The following BCKDHB variants were observed in gnomAD, a reference collection of about 807,000 sequenced individuals.
BCKDHB encodes the protein 2-oxoisovalerate dehydrogenase subunit beta, mitochondrial.
BCKDHB carries 41 observed loss-of-function variants against 48.5 expected under a neutral mutation model. The observed-to-expected ratio is 0.85, with a 90% CI of 0.66 to 1.10. The LOEUF (loss-of-function observed/expected upper bound fraction) is 1.10. BCKDHB is among the 50% of genes least tolerant of loss of function. The probability of loss-of-function intolerance (pLI) is 0.00; values close to 1 mark genes in which losing one functional copy is unlikely to be tolerated. For synonymous variants in BCKDHB, 201 were observed against 174.8 expected, an observed-to-expected ratio of 1.15 and a Z score of -1.18; for missense variants, 496 against 494.2, an observed-to-expected ratio of 1.00 and a Z score of -0.03.
At chr6:80,227,296 T>G (rs1363573872) in intron 8 of BCKDHB, among the ~76,000 whole-genome samples, 1 of 152,230 alleles carries the variant, frequency 6.6e-6, no homozygotes, top group South Asian at 2.1e-4. Context: ...TTAGAGAACT[T>G]CTGGGGACAC....
At chr6:80,432,625 G>T in the BCKDHB span, among the ~76,000 whole-genome samples, 1 of 152,096 alleles carries the variant, frequency 6.6e-6, no homozygotes, top group South Asian at 2.1e-4. Flanking sequence ...GGTTAGACAT[G>T]CTCCTTTAGC....
At chr6:80,463,701 TA>T in the BCKDHB span, among the ~76,000 whole-genome samples, 1 of 152,150 alleles carries the variant, frequency 6.6e-6, no homozygotes, top group African/African-American at 2.4e-5. Context: ...GTTCAAGGCT[TA>T]AAAGAAAAAC....
chr6:80,230,033 T>G (rs1775849646), intron 8 of BCKDHB, among the ~76,000 whole-genome samples: 2 of 119,264 alleles, frequency 1.7e-5, no homozygotes, highest in Admixed American at 1.7e-4. Flanking sequence ...GTTGTTTTTT[T>G]TTTTTTTTTT....
intron 9 of BCKDHB, among the ~76,000 whole-genome samples, chr6:80,340,193 A>T (rs1212880490): frequency 6.6e-6 from 1 of 152,230 alleles, no homozygotes; most frequent in Non-Finnish European, 1.5e-5. Context: ...TTTTGGAAGA[A>T]ATAGCTACTT....
the BCKDHB span, among the ~76,000 whole-genome samples, chr6:80,438,209 A>G: frequency 2.0e-5 from 3 of 152,210 alleles, no homozygotes; most frequent in Non-Finnish European, 4.4e-5. Context: ...GTTGTACTTA[A>G]ATGATGTCAT....
chr6:80,355,927 C>G, the BCKDHB span: 2 of 152,316 alleles, frequency 1.3e-5, no homozygotes, highest in East Asian at 3.9e-4. Flanking sequence ...GGTGACAGTG[C>G]TCTTATTCTC....
the BCKDHB span, among the ~76,000 whole-genome samples, chr6:80,389,952 T>A: frequency 2.6e-5 from 4 of 152,210 alleles, no homozygotes; most frequent in Non-Finnish European, 5.9e-5. Flanking sequence ...TGACATTGTG[T>A]TCTGCTGGCC....
At chr6:80,216,608 T>A (rs1338453438) in intron 8 of BCKDHB, among the ~76,000 whole-genome samples, 2 of 152,228 alleles carry the variant, frequency 1.3e-5, no homozygotes, top group Non-Finnish European at 2.9e-5. Flanking sequence ...AACTGTTTGC[T>A]TTCACTGTTA....
intron 6 of BCKDHB, among the ~76,000 whole-genome samples, chr6:80,183,433 TAA>T (rs933092915): frequency 3.3e-5 from 5 of 152,170 alleles, no homozygotes; most frequent in African/African-American, 7.2e-5. Flanking sequence ...GTTTTTTAAT[TAA>T]GAGTTATTTT....
chr6:80,324,961 A>T (rs1768957208), intron 9 of BCKDHB, among the ~76,000 whole-genome samples: 1 of 152,244 alleles, frequency 6.6e-6, no homozygotes, highest in Non-Finnish European at 1.5e-5. Context: ...GGATGCTGGT[A>T]GACAGCCAGT....
intron 8 of BCKDHB, among the ~76,000 whole-genome samples, chr6:80,233,752 T>G (rs1776031670): frequency 6.6e-6 from 1 of 152,206 alleles, no homozygotes; most frequent in African/African-American, 2.4e-5. Context: ...CACGATCATC[T>G]ACATACATCA....
At chr6:80,392,241 A>T in the BCKDHB span, among the ~76,000 whole-genome samples, 2 of 151,836 alleles carry the variant, frequency 1.3e-5, no homozygotes, top group African/African-American at 4.8e-5. Context: ...TGATCCACCC[A>T]CCTCGGCCTC....
chr6:80,385,854 T>A, the BCKDHB span, among the ~76,000 whole-genome samples: 1 of 152,144 alleles, frequency 6.6e-6, no homozygotes, highest in African/African-American at 2.4e-5. Context: ...GGGATAATGG[T>A]GGAAGCAACA....
chr6:80,419,470 T>C, the BCKDHB span, among the ~76,000 whole-genome samples: 2 of 152,012 alleles, frequency 1.3e-5, no homozygotes, highest in African/African-American at 4.8e-5. Context: ...CCCTGCAGAG[T>C]TCAGGTCTGG....
At chr6:80,271,761 C>T (rs1044841167) in intron 8 of BCKDHB, among the ~76,000 whole-genome samples, 14 of 150,720 alleles carry the variant, frequency 9.3e-5, no homozygotes, top group African/African-American at 2.4e-4. Flanking sequence ...TGCAGTGAGC[C>T]GACATGGTGC....
chr6:80,432,004 A>C, the BCKDHB span, among the ~76,000 whole-genome samples: 1 of 152,208 alleles, frequency 6.6e-6, no homozygotes, highest in African/African-American at 2.4e-5. Context: ...ATTCTTTAAG[A>C]ATGTTGAATA....
chr6:80,356,941 C>T, the BCKDHB span: 1 of 52,338 alleles, frequency 1.9e-5, no homozygotes, highest in East Asian at 7.2e-4. Context: ...CTCTCCCCCG[C>T]CCCCGCCCCC....
At chr6:80,301,088 A>G (rs1767555240) in intron 9 of BCKDHB, among the ~76,000 whole-genome samples, 1 of 151,806 alleles carries the variant, frequency 6.6e-6, no homozygotes, top group Non-Finnish European at 1.5e-5. Flanking sequence ...AAGAAGTTAG[A>G]AAGGTTTCGA....
At chr6:80,331,570 C>T (rs974781780) in intron 9 of BCKDHB, among the ~76,000 whole-genome samples, 1 of 152,164 alleles carries the variant, frequency 6.6e-6, no homozygotes, top group Admixed American at 6.5e-5. Context: ...CATGGCCCAT[C>T]AAAATCTGCT....
Sources: gnomAD v4.1 joint callset for allele counts (sites outside exome capture counted in the v4.1 genomes callset) on GRCh38, gnomAD v4.1.1 for gene constraint, MANE v1.5 for transcripts, NCBI Gene and HGNC (gene_info 2026-07-23, HGNC 2026-07-21) for gene names.